The following KIRREL3 variants were observed in gnomAD, a reference collection of about 807,000 sequenced individuals.
The protein encoded by KIRREL3 is kin of IRRE-like protein 3.
A neutral mutation model predicts 89.7 loss-of-function variants in KIRREL3; 36 were observed. That is an observed-to-expected ratio of 0.40 (90% CI 0.31 to 0.53). The LOEUF (loss-of-function observed/expected upper bound fraction) is 0.53. Among genes scored for constraint, KIRREL3 ranks in the 20% least tolerant of loss-of-function variants. The pLI is 0.49. For missense variants in KIRREL3, 864 were observed against 1,056.6 expected (o/e 0.82, Z 2.53); for synonymous variants, 445 against 441.4 (o/e 1.01, Z -0.10).
Position 126,897,472 on chromosome 11 carries a change from T to C in KIRREL3, c.55+102983A>G, listed in dbSNP as rs1314043857. On this transcript the variant is annotated intron_variant, in intron 1 of 16. Coordinates refer to ENST00000525144, the MANE Select transcript of KIRREL3 (RefSeq NM_032531.4). This position sits in a 1 kb window ranked among gnomAD's most constrained non-coding sequence, Gnocchi z 4.2. ...GAACAGTCCATCATGAACTTGGACC[T>C]TTGTCACTCACCTGTCAACCCCATC... Among the ~76,000 whole-genome samples, 1 of 152,156 alleles carries C rather than the reference T, an allele frequency of 6.6e-6. No homozygotes were observed. Among genetic ancestry groups the C allele is most frequent in the Non-Finnish European group, 1.5e-5 (1 of 68,024 alleles).
chr11:126,679,795 C>T (rs959947722), intron 1 of KIRREL3, among the ~76,000 whole-genome samples: 3 of 152,092 alleles, frequency 2.0e-5, no homozygotes, highest in Non-Finnish European at 4.4e-5. Flanking sequence ...TCCAAATAGC[C>T]GGGGTTGAAA....
chr11:126,446,294 CT>C (rs1955805718), intron 9 of KIRREL3, among the ~76,000 whole-genome samples: 1 of 146,584 alleles, frequency 6.8e-6, no homozygotes, highest in East Asian at 2.0e-4. Flanking sequence ...TCCTTTCTTT[CT>C]TTCTTTCTCT....
intron 4 of KIRREL3, among the ~76,000 whole-genome samples, chr11:126,514,218 C>T (rs182334364): frequency 3.0e-4 from 46 of 152,240 alleles, no homozygotes; most frequent in African/African-American, 9.9e-4. Flanking sequence ...TCCTGTCTTC[C>T]GTCTCTGGCT....
At chr11:126,567,819 G>T (rs1940628420) in intron 1 of KIRREL3, among the ~76,000 whole-genome samples, 1 of 151,314 alleles carries the variant, frequency 6.6e-6, no homozygotes, top group African/African-American at 2.4e-5. Context: ...TTGCCTGGTT[G>T]CCCTGTTCAG....
At chr11:126,472,703 G>GAGAGA (rs1555116256) in intron 5 of KIRREL3, among the ~76,000 whole-genome samples, 1 of 134,146 alleles carries the variant, frequency 7.5e-6, no homozygotes, top group South Asian at 2.6e-4. Flanking sequence ...AGGACATAGA[G>GAGAGA]GAGAGAGAGA....
Position 126,993,942 on chromosome 11 carries a change from T to C in KIRREL3, c.55+6513A>G, listed in dbSNP as rs536893159. On this transcript the variant is annotated intron_variant, in intron 1 of 16. Transcript: ENST00000525144. The surrounding 1 kb of genome is among the most constrained non-coding windows in gnomAD (Gnocchi z 6.1). ...AAAGAAACTTGCAACAACAATCCACTGAATACAGGCCAAGTGAGCAGACCA... is the reference window on the plus strand; with the variant it reads ...AAAGAAACTTGCAACAACAATCCACCGAATACAGGCCAAGTGAGCAGACCA... 6.6e-6 allele frequency among the ~76,000 whole-genome samples: 1 copy of C among 152,304 alleles called. No individual in the cohort carries two copies. The highest frequency in any genetic ancestry group is 2.1e-4 in the South Asian group (1 of 4,824).
chr11:126,832,128 CACA>C (rs1336938969), intron 1 of KIRREL3, among the ~76,000 whole-genome samples: 2 of 152,126 alleles, frequency 1.3e-5, no homozygotes, highest in African/African-American at 2.4e-5. Context: ...TCCCAGATTC[CACA>C]ACAAGAGGGA....
In KIRREL3 at chr11:126,544,705, T is replaced by TG. The variant is rs1201570453; in HGVS notation, c.134-18019dup. On this transcript the variant is annotated intron_variant, in intron 2 of 16. Transcript: ENST00000525144. The surrounding 1 kb of genome is among the most constrained non-coding windows in gnomAD (Gnocchi z 5.6). ...TGCTTTTTGTATCTGGGCCAGTGGG[T>TG]GGAGAGTGCAGGGAGCTGTCCTTGG... Among the ~76,000 whole-genome samples the TG allele has an allele frequency of 6.6e-6, 1 of 152,116 alleles. No homozygotes were observed. Among genetic ancestry groups the TG allele is most frequent in the Non-Finnish European group, 1.5e-5 (1 of 68,022 alleles).
chr11:126,451,102 TGCA>T, intron 7 of KIRREL3, among the ~76,000 whole-genome samples: 1 of 103,368 alleles, frequency 9.7e-6, no homozygotes, highest in African/African-American at 4.0e-5. Flanking sequence ...TGTGTCCATG[TGCA>T]TGTGTGCATG....
chr11:127,002,071 C>T (rs1271689501), upstream of KIRREL3, among the ~76,000 whole-genome samples: 1 of 152,150 alleles, frequency 6.6e-6, no homozygotes, highest in Admixed American at 6.5e-5. Context: ...GAGGACTCTG[C>T]TCACTACAAG....
chr11:126,621,509 A>C (rs1943573180), intron 1 of KIRREL3, among the ~76,000 whole-genome samples: 1 of 152,248 alleles, frequency 6.6e-6, no homozygotes, highest in Non-Finnish European at 1.5e-5. Flanking sequence ...TGAGAGGCTT[A>C]AAAAGTAGAT....
rs1375326678 is a variant in KIRREL3 at position 126,623,029 on chromosome 11, C to T, written c.56-60117G>A. On this transcript the variant is annotated intron_variant, in intron 1 of 16. Transcript: ENST00000525144. This position sits in a 1 kb window ranked among gnomAD's most constrained non-coding sequence, Gnocchi z 4.1. ...GGCAATCTGATGCTCAGAACCTAGA[C>T]TCTTAATTACACTAATATGATATTT... Among the ~76,000 whole-genome samples, 2 of 152,310 alleles carry T rather than the reference C, an allele frequency of 1.3e-5. No homozygotes were observed. Among genetic ancestry groups the T allele is most frequent in the Middle Eastern group, 3.4e-3 (1 of 294 alleles).
rs1939174464 is a variant in KIRREL3 at position 126,550,539 on chromosome 11, TC to T, written c.133+12295del. ...GGTGGGTGCCTGTAATCCCAGCTAC[TC>T]AGGAGGCTGAGGCAGGAGAATCGCT... On this transcript the variant is annotated intron_variant, in intron 2 of 16. Coordinates refer to ENST00000525144, the MANE Select transcript of KIRREL3 (RefSeq NM_032531.4). The surrounding 1 kb of genome is among the most constrained non-coding windows in gnomAD (Gnocchi z 4.9). 1 of 152,006 alleles carries T rather than the reference TC, an allele frequency of 6.6e-6. No homozygotes were observed. The allele number at this position is 152,006 out of a possible 1,614,324, so 9.4% of individuals were successfully genotyped here.
chr11:126,864,132 T>C (rs1427020844), intron 1 of KIRREL3, among the ~76,000 whole-genome samples: 2 of 152,228 alleles, frequency 1.3e-5, no homozygotes, highest in African/African-American at 2.4e-5. Context: ...TAGAGCAGGA[T>C]GCAACTTATA....
upstream of KIRREL3, chr11:127,001,285 G>A (rs537518356): frequency 8.8e-6 from 1 of 113,716 alleles, no homozygotes; most frequent in South Asian, 3.5e-4. Flanking sequence ...ATTTCTGAGA[G>A]TTTCCTGTGG....
intron 1 of KIRREL3, among the ~76,000 whole-genome samples, chr11:126,963,232 C>T (rs191244763): frequency 6.6e-6 from 1 of 152,024 alleles, no homozygotes; most frequent in Non-Finnish European, 1.5e-5. Context: ...AGAGATCTAG[C>T]CTTCTAACAC....
rs1946528002 is a variant in KIRREL3 at position 126,682,997 on chromosome 11, GGCAT to G, written c.56-120089_56-120086del. ...AGCCTCCCAAGTAGCTAGGACTTCA[GGCAT>G]GCACTACTATGCCTGGGTAACTTTT... On this transcript the variant is annotated intron_variant, in intron 1 of 16. Coordinates refer to ENST00000525144, the MANE Select transcript of KIRREL3 (RefSeq NM_032531.4). This position sits in a 1 kb window ranked among gnomAD's most constrained non-coding sequence, Gnocchi z 4.8. 6.6e-6 allele frequency among the ~76,000 whole-genome samples: 1 copy of G among 152,110 alleles called. No homozygotes were observed. The highest frequency in any genetic ancestry group is 2.4e-5 in the African/African-American group (1 of 41,430).
In KIRREL3 at chr11:126,990,977, C is replaced by T. The variant is rs12226714; in HGVS notation, c.55+9478G>A. Among the ~76,000 whole-genome samples the T allele has an allele frequency of 0.013, 1,931 of 152,314 alleles. 49 individuals carry two copies. The highest frequency in any genetic ancestry group is 0.12 in the East Asian group (602 of 5,160). ...GTGTTACTCTGAAGCTGTCATTGCT[C>T]CCAGCATTGCCAAGGGTGACAGGTG... On this transcript the variant is annotated intron_variant, in intron 1 of 16. Transcript: ENST00000525144. This position sits in a 1 kb window ranked among gnomAD's most constrained non-coding sequence, Gnocchi z 6.3.
chr11:126,915,954 C>T (rs776306968), intron 1 of KIRREL3, among the ~76,000 whole-genome samples: 15 of 152,158 alleles, frequency 9.9e-5, no homozygotes, highest in Non-Finnish European at 2.2e-4. Context: ...GCCTCATCTG[C>T]TCTCTTCGTG....
Sources: gnomAD v4.1 joint callset for allele counts (sites outside exome capture counted in the v4.1 genomes callset) on GRCh38, gnomAD v4.1.1 for gene constraint, Gnocchi (gnomAD v3.1) non-coding constraint, MANE v1.5 for transcripts, NCBI Gene and HGNC (gene_info 2026-07-23, HGNC 2026-07-21) for gene names.